Variants in ELP1 observed in about 807,000 individuals in gnomAD.
The protein encoded by ELP1 is elongator acetyltransferase complex subunit 1.
Under a neutral mutation model 183.2 loss-of-function variants are expected in ELP1, and 131 were observed. The ratio of observed to expected loss-of-function variants is 0.72; its 90% CI spans 0.62 to 0.83. ELP1 has a LOEUF of 0.83. Among genes scored for constraint, ELP1 ranks in the 40% least tolerant of loss-of-function variants. ELP1 has a pLI of 0.00. For missense variants in ELP1, 1,550 were observed against 1,594.9 expected, an observed-to-expected ratio of 0.97 and a Z score of 0.48; for synonymous variants, 555 against 569.0, an observed-to-expected ratio of 0.98 and a Z score of 0.35.
chr9:108,883,679 T>C (rs1310784723), intron 29 of ELP1, among the ~76,000 whole-genome samples: 1 of 152,172 alleles, frequency 6.6e-6, no homozygotes, highest in African/African-American at 2.4e-5. Flanking sequence ...TGTAAGGTTT[T>C]TACACTATAT....
chr9:108,868,647 A>G lies in ELP1; in HGVS notation c.*468T>C. ...AAAGGAGGGCTTATAATTTCAAAGG[A>G]TACTTTTTATTCTGCTTTAGTTTAA... On this transcript the variant is annotated 3_prime_UTR_variant, in exon 37 of 37. Transcript: ENST00000374647. 1 of 450,674 alleles carries G rather than the reference A, an allele frequency of 2.2e-6. No homozygotes were observed. The highest frequency in any genetic ancestry group is 3.9e-6 in the Non-Finnish European group (1 of 257,394). The allele number at this position is 450,674 out of a possible 1,614,324, so 27.9% of individuals were successfully genotyped here. A position where few individuals can be genotyped will look rare whatever the true frequency, so the allele number is the denominator to read the frequency against.
intron 18 of ELP1, among the ~76,000 whole-genome samples, chr9:108,900,841 CCA>C (rs760322409): frequency 0.01 from 531 of 51,162 alleles, 21 homozygotes; most frequent in African/African-American, 0.038. Flanking sequence ...CACATACACG[CCA>C]CACACACATA....
chr9:108,892,138 T>C (rs1163881901), intron 27 of ELP1, among the ~76,000 whole-genome samples: 3 of 152,286 alleles, frequency 2.0e-5, no homozygotes, highest in Middle Eastern at 3.4e-3. Context: ...AATCAGCAGT[T>C]TGACAAATGC....
intron 1 of ELP1, among the ~76,000 whole-genome samples, chr9:108,933,386 G>C (rs2132057561): frequency 6.6e-6 from 1 of 152,284 alleles, no homozygotes; most frequent in South Asian, 2.1e-4. Flanking sequence ...CTAAGTACTG[G>C]GATCTGAAGA....
chr9:108,869,026 TAGCC>T lies in ELP1; in HGVS notation c.*85_*88del. ...TCATTTTACTCTTTCCAGTTCTCAA[TAGCC>T]AGCCCTCAAAGAGCAAGGGGTGGTA... On this transcript the variant is annotated 3_prime_UTR_variant, in exon 37 of 37. Transcript: ENST00000374647. 1 of 1,107,590 alleles carries T rather than the reference TAGCC, an allele frequency of 9.0e-7. No homozygotes were observed. The highest frequency in any genetic ancestry group is 1.2e-5 in the South Asian group (1 of 81,022). The allele number at this position is 1,107,590 out of a possible 1,614,324, so 68.6% of individuals were successfully genotyped here.
chr9:108,915,073 T>G (rs1759856), intron 10 of ELP1, among the ~76,000 whole-genome samples: 1 of 152,002 alleles, frequency 6.6e-6, no homozygotes, highest in Non-Finnish European at 1.5e-5. Flanking sequence ...TTTTCTAACA[T>G]TTTCAAGTAT....
At chr9:108,891,477 C>A in intron 27 of ELP1, 73 bp from the exon 28 acceptor site, 1 of 1,383,044 alleles carries the variant, frequency 7.2e-7, no homozygotes, top group Admixed American at 1.7e-5. Flanking sequence ...GTGTAGCTGC[C>A]TTAGTTCCTA....
At chr9:108,898,607 T>TC (rs1308921808) in intron 21 of ELP1, 26 bp from the exon 22 acceptor site, 2 of 1,602,124 alleles carry the variant, frequency 1.2e-6, no homozygotes, top group African/African-American at 2.7e-5. Context: ...CAAAACATCT[T>TC]CGTTCAGATC....
At chr9:108,911,282 CA>C in intron 11 of ELP1, 102 bp from the exon 12 acceptor site, 2 of 1,118,704 alleles carry the variant, frequency 1.8e-6, no homozygotes, top group Non-Finnish European at 2.6e-6. Flanking sequence ...TGGCAATTCA[CA>C]AAAAAATAAC....
intron 27 of ELP1, among the ~76,000 whole-genome samples, chr9:108,892,706 G>A (rs893897436): frequency 6.6e-5 from 10 of 152,138 alleles, no homozygotes; most frequent in African/African-American, 2.2e-4. Context: ...GGAAAGATCT[G>A]TACTTGTTAG....
chr9:108,899,482 G>A (rs1185160051), intron 20 of ELP1, among the ~76,000 whole-genome samples: 2 of 151,934 alleles, frequency 1.3e-5, no homozygotes, highest in Admixed American at 6.6e-5. Flanking sequence ...GAAAGCTGTG[G>A]GCTTTCTACT....
At chr9:108,932,223 A>G (rs1457984398) in intron 1 of ELP1, among the ~76,000 whole-genome samples, 1 of 152,208 alleles carries the variant, frequency 6.6e-6, no homozygotes, top group African/African-American at 2.4e-5. Context: ...ATAATGTGGG[A>G]TAAGAGAAAG....
chr9:108,883,538 C>T (rs1828008709), intron 29 of ELP1, among the ~76,000 whole-genome samples: 1 of 138,120 alleles, frequency 7.2e-6, no homozygotes, highest in South Asian at 2.4e-4. Context: ...TTTTTGAAAA[C>T]TCGGAAAATA....
intron 29 of ELP1, among the ~76,000 whole-genome samples, chr9:108,884,659 G>A (rs960200083): frequency 1.3e-5 from 2 of 152,022 alleles, no homozygotes; most frequent in African/African-American, 2.4e-5. Flanking sequence ...AAATCACAAG[G>A]GAAATTAGGA....
At chr9:108,874,550 T>C (rs1005138122) in intron 36 of ELP1, among the ~76,000 whole-genome samples, 1 of 152,242 alleles carries the variant, frequency 6.6e-6, no homozygotes, top group East Asian at 1.9e-4. Flanking sequence ...TAGCCAGTAA[T>C]GATGCTTCAG....
intron 36 of ELP1, among the ~76,000 whole-genome samples, chr9:108,870,015 GC>G (rs1417615333): frequency 6.6e-6 from 1 of 151,152 alleles, no homozygotes; most frequent in Non-Finnish European, 1.5e-5. Flanking sequence ...TCATTTTGTT[GC>G]CCAGGTTGGA....
intron 29 of ELP1, 30 bp from the exon 30 acceptor site, chr9:108,882,217 G>A: frequency 6.3e-7 from 1 of 1,598,492 alleles, no homozygotes; most frequent in Non-Finnish European, 8.6e-7. Context: ...AAGACAACAA[G>A]TGAAGAGAGC....
intron 31 of ELP1, among the ~76,000 whole-genome samples, chr9:108,881,193 C>T (rs1827916858): frequency 6.6e-6 from 1 of 152,090 alleles, no homozygotes; most frequent in Admixed American, 6.5e-5. Flanking sequence ...ACACATATAC[C>T]CTTTACTTTG....
At chr9:108,884,063 T>C (rs770763013) in intron 29 of ELP1, among the ~76,000 whole-genome samples, 12 of 149,292 alleles carry the variant, frequency 8.0e-5, no homozygotes, top group Non-Finnish European at 1.6e-4. Context: ...AAAGACTACA[T>C]TCAGCTAGAT....
Sources: allele counts gnomAD v4.1 joint callset (sites outside exome capture counted in the v4.1 genomes callset), GRCh38; gene constraint gnomAD v4.1.1; transcripts MANE v1.5; gene names NCBI Gene and HGNC (gene_info 2026-07-23, HGNC 2026-07-21).